The following RNASEH1 variants were observed in gnomAD, a reference collection of about 807,000 sequenced individuals.
RNASEH1 encodes the protein ribonuclease H1.
A neutral mutation model predicts 34.6 loss-of-function variants in RNASEH1; 27 were observed. The ratio of observed to expected loss-of-function variants is 0.78; its 90% CI spans 0.58 to 1.08. RNASEH1 has a LOEUF of 1.08. Among genes scored for constraint, RNASEH1 ranks in the 50% least tolerant of loss-of-function variants. The probability of loss-of-function intolerance (pLI) is 0.00; values close to 1 mark genes in which losing one functional copy is unlikely to be tolerated. For missense variants in RNASEH1, 349 were observed against 373.6 expected, an observed-to-expected ratio of 0.93 and a Z score of 0.54; for synonymous variants, 162 against 138.4, an observed-to-expected ratio of 1.17 and a Z score of -1.20.
intron 1 of RNASEH1, chr2:3,557,864 TA>T (rs1660674336): frequency 6.8e-7 from 1 of 1,464,546 alleles, no homozygotes; most frequent in South Asian, 1.2e-5. Flanking sequence ...GATGGAGGAT[TA>T]AACACAGGGT....
intron 3 of RNASEH1, among the ~76,000 whole-genome samples, chr2:3,551,202 G>A (rs1659859951): frequency 6.6e-6 from 1 of 152,270 alleles, no homozygotes; most frequent in Non-Finnish European, 1.5e-5. Context: ...TGGCGAAGGG[G>A]CAAAGATGGG....
downstream of RNASEH1, among the ~76,000 whole-genome samples, chr2:3,538,617 G>T (rs1014052813): frequency 3.9e-5 from 6 of 152,122 alleles, no homozygotes; most frequent in African/African-American, 1.4e-4. Flanking sequence ...TACTTATGGG[G>T]TCTGTCACTC....
chr2:3,545,926 A>G (rs1668707331), intron 7 of RNASEH1, 55 bp from the exon 8 acceptor site: 3 of 1,243,232 alleles, frequency 2.4e-6, no homozygotes, highest in Middle Eastern at 3.7e-4. Context: ...TAAGCAACAC[A>G]TGACTATATT....
rs917348246 is a variant in RNASEH1, at chr2:3,543,619, CTT to C, written c.*2164_*2165del. 1.4e-5 allele frequency among the ~76,000 whole-genome samples: 2 copies of C among 146,266 alleles called. No homozygotes were observed. Among genetic ancestry groups the C allele is most frequent in the Non-Finnish European group, 3.0e-5 (2 of 66,062 alleles). On this transcript the variant is annotated 3_prime_UTR_variant, in exon 8 of 8. Transcript: ENST00000315212. ...CCAAGTATGCTTAACTCCACAAATT[CTT>C]TTTTTTTTTTAAGACAAGGACTTGC... is the stretch of plus-strand genomic sequence containing the variant.
At chr2:3,550,568 AGAGG>A in intron 3 of RNASEH1, 96 bp from the exon 4 acceptor site, 1 of 929,654 alleles carries the variant, frequency 1.1e-6, no homozygotes, top group Non-Finnish European at 1.8e-6. Context: ...TTTTAAACCG[AGAGG>A]GTATTTTACA....
chr2:3,558,254 A>C lies in RNASEH1; in HGVS notation c.7T>G (p.Trp3Gly). ...ACTCTGTGGGCCAGGAACAGAAGCC[A>C]GCTCATCGCTCACTCCCGGCACCGG... Reference protein sequence around the residue: MSWLLFLAHRVAL... With the variant: MSGLLFLAHRVAL... Residue 3 changes from tryptophan (W) to glycine (G), a missense_variant, in exon 1 of 8, where the codon TGG (tryptophan) becomes GGG (glycine). This residue lies in a region of RNASEH1 where 256 missense variants were observed against 240.7 expected (regional missense o/e 1.06). Coordinates refer to ENST00000315212, the MANE Select transcript of RNASEH1 (RefSeq NM_002936.6). The C allele has an allele frequency of 1.9e-6, 3 of 1,585,780 alleles. No individual in the cohort carries two copies. Among genetic ancestry groups the C allele is most frequent in the Non-Finnish European group, 2.6e-6 (3 of 1,170,062 alleles).
At chr2:3,549,442 TA>T (rs1669075919) in intron 4 of RNASEH1, among the ~76,000 whole-genome samples, 1 of 152,124 alleles carries the variant, frequency 6.6e-6, no homozygotes, top group South Asian at 2.1e-4. Flanking sequence ...TTGAAACTAC[TA>T]AAAACCTCCA....
downstream of RNASEH1, among the ~76,000 whole-genome samples, chr2:3,537,170 C>T (rs1468452811): frequency 1.3e-5 from 2 of 152,134 alleles, no homozygotes; most frequent in Non-Finnish European, 2.9e-5. Context: ...AAAAGGAGCA[C>T]ACTACATATT....
chr2:3,541,312 G>A (rs1668287803), downstream of RNASEH1, among the ~76,000 whole-genome samples: 1 of 150,360 alleles, frequency 6.7e-6, no homozygotes, highest in Admixed American at 6.6e-5. Flanking sequence ...CTGGGTGACA[G>A]AGTGAGGCTC....
At chr2:3,558,059 C>T (rs1239101895) in intron 1 of RNASEH1, 74 bp downstream of exon 1, 3 of 1,491,854 alleles carry the variant, frequency 2.0e-6, no homozygotes, top group East Asian at 2.5e-5. Flanking sequence ...CTCCCGCCGC[C>T]GGGGTTAGCC....
At chr2:3,550,128 G>T (rs1669144405) in intron 4 of RNASEH1, 1 of 433,488 alleles carries the variant, frequency 2.3e-6, no homozygotes, top group East Asian at 4.5e-5. Flanking sequence ...GGGCAACAGT[G>T]TGAGACCGTG....
At chr2:3,552,007 T>C (rs1659967541) in intron 3 of RNASEH1, 137 bp downstream of exon 3, 1 of 683,462 alleles carries the variant, frequency 1.5e-6, no homozygotes, top group Non-Finnish European at 2.4e-6. Flanking sequence ...CCTTAGTGAT[T>C]TCTAAATAAT....
intron 2 of RNASEH1, among the ~76,000 whole-genome samples, chr2:3,555,791 G>T (rs1310647371): frequency 3.3e-5 from 5 of 152,054 alleles, no homozygotes; most frequent in African/African-American, 9.7e-5. Context: ...TCTGCATAAT[G>T]GGCTTTAAAC....
rs1227176438 is a variant in RNASEH1 at position 3,552,320 on chromosome 2, G to A, written c.245-12C>T. 2 of 1,611,022 alleles carry A rather than the reference G, an allele frequency of 1.2e-6. No individual in the cohort carries two copies. The highest frequency in any genetic ancestry group is 1.3e-5 in the African/African-American group (1 of 74,662). Reference sequence around the variant, plus strand: ...TTGATTTTCATGCCCTGAAAGACAAGAGTCCACTCGTGAGCTGGAAACAAT... The same window carrying A: ...TTGATTTTCATGCCCTGAAAGACAAAAGTCCACTCGTGAGCTGGAAACAAT... On this transcript the variant is annotated splice_polypyrimidine_tract_variant and intron_variant, in intron 2 of 7. Coordinates refer to ENST00000315212, the MANE Select transcript of RNASEH1 (RefSeq NM_002936.6).
rs1668548720 is a variant in RNASEH1, at chr2:3,544,330, C to T, written c.*1455G>A. On this transcript the variant is annotated 3_prime_UTR_variant, in exon 8 of 8. Transcript: ENST00000315212. ...AAACATAGAGGACCATGCTGAACTA[C>T]ACCATGACCACGTGGTCAGCAAAAT... 6.6e-6 allele frequency among the ~76,000 whole-genome samples: 1 copy of T among 151,450 alleles called. No individual in the cohort carries two copies. Among genetic ancestry groups the T allele is most frequent in the Admixed American group, 6.6e-5 (1 of 15,212 alleles).
Position 3,544,704 on chromosome 2 carries a change from TTG to T in RNASEH1, c.*1079_*1080del, listed in dbSNP as rs1668579133. On this transcript the variant is annotated 3_prime_UTR_variant, in exon 8 of 8. Coordinates refer to ENST00000315212, the MANE Select transcript of RNASEH1 (RefSeq NM_002936.6). Reference sequence around the variant, plus strand: ...TCATTCAATAAGCTATACATTTGTTTTGTGTCACTTCCTGTATGTTTTTATAA... The same window carrying T: ...TCATTCAATAAGCTATACATTTGTTTTGTCACTTCCTGTATGTTTTTATAA... The T allele has an allele frequency of 1.3e-5, 2 of 152,188 alleles. No homozygotes were observed. The highest frequency in any genetic ancestry group is 4.8e-5 in the African/African-American group (2 of 41,442). 9.4% of individuals were successfully genotyped at this position (152,188 alleles called of 1,614,324 possible).
intron 1 of RNASEH1, chr2:3,557,613 C>T (rs1660642140): frequency 5.7e-6 from 2 of 350,090 alleles, no homozygotes; most frequent in South Asian, 2.3e-5. Flanking sequence ...CTGTCAGTTA[C>T]ATGCCCTGGG....
At chr2:3,555,706 G>A (rs1040372678) in intron 2 of RNASEH1, among the ~76,000 whole-genome samples, 8 of 152,126 alleles carry the variant, frequency 5.3e-5, no homozygotes, top group African/African-American at 1.4e-4. Context: ...ATTCACGTAA[G>A]ATCACCTCCT....
At position 3,546,524 on chromosome 2, in the gene RNASEH1, A is replaced by G. The variant is rs142857657; in HGVS notation, c.775-653T>C. Among the ~76,000 whole-genome samples the G allele has an allele frequency of 3.0e-3, 460 of 152,348 alleles. 2 individuals are homozygous for G. The highest frequency in any genetic ancestry group is 0.011 in the African/African-American group (445 of 41,586). On this transcript the variant is annotated intron_variant, in intron 7 of 7. Coordinates refer to ENST00000315212, the MANE Select transcript of RNASEH1 (RefSeq NM_002936.6). ...AAATACACTGATAGTTTTATTTAACATTATGATGCATTCCAAAGAAATGAA... is the reference window on the plus strand; with the variant it reads ...AAATACACTGATAGTTTTATTTAACGTTATGATGCATTCCAAAGAAATGAA...
Sources: gnomAD v4.1 joint callset for allele counts (sites outside exome capture counted in the v4.1 genomes callset) on GRCh38, gnomAD v4.1.1 for gene constraint, gnomAD v4.1.1 regional missense constraint, MANE v1.5 for transcripts, NCBI Gene and HGNC (gene_info 2026-07-23, HGNC 2026-07-21) for gene names.